The following ASXL2 variants were observed in gnomAD, a reference collection of about 807,000 sequenced individuals.
ASXL2 encodes the protein ASXL transcriptional regulator 2, also known as putative Polycomb group protein ASXL2.
ASXL2 carries 23 observed loss-of-function variants against 122.0 expected under a neutral mutation model. The ratio of observed to expected loss-of-function variants is 0.19; its 90% CI spans 0.14 to 0.27. The LOEUF is 0.27. ASXL2 is among the 10% of genes least tolerant of loss of function. ASXL2 has a pLI of 1.00. For synonymous variants in ASXL2, 650 were observed against 637.0 expected (o/e 1.02, Z -0.31); for missense variants, 1,518 against 1,713.8 (o/e 0.89, Z 2.02).
In ASXL2 at chr2:25,739,391, C is replaced by G; in HGVS notation, c.*2638G>C. The G allele has an allele frequency of 6.1e-6, 1 of 164,122 alleles. No individual in the cohort carries two copies. The highest frequency in any genetic ancestry group is 1.3e-5 in the Non-Finnish European group (1 of 77,610). 10.2% of individuals were successfully genotyped at this position (164,122 alleles called of 1,614,324 possible). ...TGTGTTTTTTTTTTTTTTAATTTTT[C>G]TGTTCAGCTTTTAAGATGAATGGCT... On this transcript the variant is annotated 3_prime_UTR_variant, in exon 13 of 13. Coordinates refer to ENST00000435504, the MANE Select transcript of ASXL2 (RefSeq NM_018263.6).
chr2:25,779,151 G>A (rs1209880622), intron 5 of ASXL2, among the ~76,000 whole-genome samples: 1 of 144,072 alleles, frequency 6.9e-6, no homozygotes, highest in Non-Finnish European at 1.5e-5. Context: ...GTGCAGTGGT[G>A]CGATCTTGGC....
intron 3 of ASXL2, among the ~76,000 whole-genome samples, chr2:25,812,817 G>C (rs544310032): frequency 6.6e-6 from 1 of 152,292 alleles, no homozygotes; most frequent in Non-Finnish European, 1.5e-5. Flanking sequence ...CAACAGGATA[G>C]AAATCAACAA....
At chr2:25,799,240 T>C (rs1286204071) in intron 5 of ASXL2, 145 bp downstream of exon 5, 11 of 1,065,706 alleles carry the variant, frequency 1.0e-5, no homozygotes, top group Middle Eastern at 3.1e-4. Flanking sequence ...ATCTCCATCA[T>C]TGCAGAAAAC....
At chr2:25,775,411 A>G (rs1365006272) in intron 5 of ASXL2, among the ~76,000 whole-genome samples, 1 of 152,210 alleles carries the variant, frequency 6.6e-6, no homozygotes, top group Non-Finnish European at 1.5e-5. Flanking sequence ...TACAGGCACG[A>G]GCCACTTCGC....
At chr2:25,836,768 A>G (rs2089516601) in intron 2 of ASXL2, among the ~76,000 whole-genome samples, 1 of 152,168 alleles carries the variant, frequency 6.6e-6, no homozygotes, top group Non-Finnish European at 1.5e-5. Flanking sequence ...ATAGTGTGAA[A>G]GATTCAAACT....
At chr2:25,821,157 C>T (rs1269808968) in intron 3 of ASXL2, among the ~76,000 whole-genome samples, 2 of 151,942 alleles carry the variant, frequency 1.3e-5, no homozygotes, top group African/African-American at 4.8e-5. Context: ...CCAGTCTGGG[C>T]AACAAGAGCA....
At chr2:25,826,762 T>TTAA (rs376835935) in intron 3 of ASXL2, among the ~76,000 whole-genome samples, 2 of 68,088 alleles carry the variant, frequency 2.9e-5, no homozygotes, top group Non-Finnish European at 5.2e-5. Flanking sequence ...ACTTTCAAGG[T>TTAA]AAAAAAAAAA....
Position 25,771,446 on chromosome 2 carries a change from T to C in ASXL2, c.498A>G (p.Leu166=), listed in dbSNP as rs768734738. The change falls in exon 6 of 13, where the codon CTA becomes CTG. Residue 166 remains leucine (L), a synonymous_variant. Coordinates refer to ENST00000435504, the MANE Select transcript of ASXL2 (RefSeq NM_018263.6). The part of the protein sequence containing the change: ...SPSQKHSKKA[L]KQALKQQQQK... Reference sequence around the variant, plus strand: ...ACAGACTAGCAATGCTTACCTGCTTTAGTGCCTTCTTGCTGTGCTTCTGTG... The same window carrying C: ...ACAGACTAGCAATGCTTACCTGCTTCAGTGCCTTCTTGCTGTGCTTCTGTG... The C allele has an allele frequency of 2.4e-5, 38 of 1,611,974 alleles. No individual in the cohort carries two copies. The highest frequency in any genetic ancestry group is 3.1e-5 in the Non-Finnish European group (37 of 1,178,316).
chr2:25,823,948 T>G (rs1451090483), intron 3 of ASXL2, among the ~76,000 whole-genome samples: 1 of 152,082 alleles, frequency 6.6e-6, no homozygotes, highest in Admixed American at 6.5e-5. Context: ...ATTTCTCTGT[T>G]TGAAAAAAGA....
At chr2:25,825,220 A>G (rs927346013) in intron 3 of ASXL2, among the ~76,000 whole-genome samples, 1 of 152,188 alleles carries the variant, frequency 6.6e-6, no homozygotes, top group Non-Finnish European at 1.5e-5. Flanking sequence ...AATGTTCTCT[A>G]TTTCCTACTA....
chr2:25,763,013 C>T (rs2088281718), intron 8 of ASXL2, among the ~76,000 whole-genome samples: 2 of 152,084 alleles, frequency 1.3e-5, no homozygotes, highest in Non-Finnish European at 2.9e-5. Context: ...ATATTCAATC[C>T]ATCAGAAAGA....
intron 1 of ASXL2, among the ~76,000 whole-genome samples, chr2:25,860,118 A>G (rs2089826326): frequency 6.6e-6 from 1 of 151,246 alleles, no homozygotes; most frequent in South Asian, 2.1e-4. Context: ...CGTCGGGAGT[A>G]CTGACCAACA....
At chr2:25,762,312 C>T (rs1420882509) in intron 8 of ASXL2, among the ~76,000 whole-genome samples, 1 of 88,564 alleles carries the variant, frequency 1.1e-5, no homozygotes, top group Admixed American at 1.1e-4. Flanking sequence ...TATGAACACA[C>T]CAAAAAAAAA....
chr2:25,833,177 G>A (rs186908667), intron 3 of ASXL2, among the ~76,000 whole-genome samples: 4 of 152,054 alleles, frequency 2.6e-5, no homozygotes, highest in Non-Finnish European at 5.9e-5. Context: ...CACACACCCC[G>A]GTACCAGTAA....
chr2:25,788,254 T>C (rs1371678426), intron 5 of ASXL2, among the ~76,000 whole-genome samples: 1 of 152,166 alleles, frequency 6.6e-6, no homozygotes, highest in East Asian at 1.9e-4. Flanking sequence ...GATAAAAGAA[T>C]AAAGTTATCA....
chr2:25,798,686 C>A (rs2088947611), intron 5 of ASXL2, among the ~76,000 whole-genome samples: 1 of 152,092 alleles, frequency 6.6e-6, no homozygotes, highest in Non-Finnish European at 1.5e-5. Flanking sequence ...ATTGCTTGAA[C>A]CCAGGAGGCA....
Position 25,735,174 on chromosome 2 carries a change from C to G in ASXL2, c.*6855G>C, listed in dbSNP as rs1337135581. The G allele has an allele frequency of 1.3e-5, 2 of 152,158 alleles. No homozygotes were observed. The highest frequency in any genetic ancestry group is 2.9e-5 in the Non-Finnish European group (2 of 68,028). 9.4% of individuals were successfully genotyped at this position (152,158 alleles called of 1,614,324 possible). On this transcript the variant is annotated 3_prime_UTR_variant, in exon 13 of 13. Coordinates refer to ENST00000435504, the MANE Select transcript of ASXL2 (RefSeq NM_018263.6). ...GCTTTTTCTTCCTGTTACAAGATCT[C>G]CTTCCAGGGAATGCCTTTTTAGGTT...
chr2:25,748,146 C>T (rs2087972998), intron 12 of ASXL2, among the ~76,000 whole-genome samples: 1 of 151,804 alleles, frequency 6.6e-6, no homozygotes, highest in South Asian at 2.1e-4. Flanking sequence ...TCACTGCATT[C>T]CAGCCTGGAC....
intron 1 of ASXL2, among the ~76,000 whole-genome samples, chr2:25,870,860 C>T (rs376247951): frequency 1.3e-5 from 2 of 152,038 alleles, no homozygotes; most frequent in Admixed American, 6.6e-5. Context: ...GAGTTAATTT[C>T]GGTATGGTAA....
Sources: allele counts gnomAD v4.1 joint callset (sites outside exome capture counted in the v4.1 genomes callset), GRCh38; gene constraint gnomAD v4.1.1; transcripts MANE v1.5; gene names NCBI Gene and HGNC (gene_info 2026-07-23, HGNC 2026-07-21).